The following AGPS variants were observed in gnomAD, a reference collection of about 807,000 sequenced individuals.
The protein encoded by AGPS is alkylglycerone phosphate synthase.
Under a neutral mutation model 90.7 loss-of-function variants are expected in AGPS, and 26 were observed. The ratio of observed to expected loss-of-function variants is 0.29; its 90% CI spans 0.21 to 0.40. The LOEUF is 0.40. Ranked by LOEUF, AGPS falls within the 10% of genes least tolerant of loss-of-function variation. The pLI, the probability that AGPS is intolerant of heterozygous loss-of-function variation, is 1.00. For missense variants in AGPS, 540 were observed against 816.1 expected (o/e 0.66, Z 4.12); for synonymous variants, 294 against 285.3 (o/e 1.03, Z -0.31).
chr2:177,458,368 C>T (rs574186913), intron 8 of AGPS, among the ~76,000 whole-genome samples: 7 of 152,014 alleles, frequency 4.6e-5, no homozygotes, highest in Admixed American at 2.6e-4. Flanking sequence ...AGAAATAAAG[C>T]GTATTCAAAT....
chr2:177,416,536 G>GT (rs34582220), intron 1 of AGPS, among the ~76,000 whole-genome samples: 1 of 151,118 alleles, frequency 6.6e-6, no homozygotes, highest in African/African-American at 2.4e-5. Context: ...GTTTTGTTTT[G>GT]TTTTTTTGAG....
intron 8 of AGPS, among the ~76,000 whole-genome samples, chr2:177,456,935 A>G (rs560853357): frequency 6.6e-6 from 1 of 152,302 alleles, no homozygotes; most frequent in South Asian, 2.1e-4. Flanking sequence ...TGACCACGTA[A>G]TTGGAAGTAA....
At chr2:177,401,880 CT>C in intron 1 of AGPS, among the ~76,000 whole-genome samples, 1 of 152,216 alleles carries the variant, frequency 6.6e-6, no homozygotes, top group South Asian at 2.1e-4. Flanking sequence ...AATTCTAGAG[CT>C]TTTTCCTTGA....
chr2:177,445,953 G>A (rs1336292175), intron 8 of AGPS, among the ~76,000 whole-genome samples: 1 of 152,100 alleles, frequency 6.6e-6, no homozygotes, highest in African/African-American at 2.4e-5. Flanking sequence ...TCATCAAATG[G>A]GGCTAGGTGG....
Position 177,421,310 on chromosome 2 carries a change from C to T in AGPS, c.350+952C>T, listed in dbSNP as rs1685932889. On this transcript the variant is annotated intron_variant, in intron 2 of 19. Transcript: ENST00000264167. ...CCAGTATTGTACCCTGATTTAATATCTATTGGACATTACTATACTTAAGTT... is the reference window on the plus strand; with the variant it reads ...CCAGTATTGTACCCTGATTTAATATTTATTGGACATTACTATACTTAAGTT... 3.3e-5 allele frequency among the ~76,000 whole-genome samples: 5 copies of T among 152,082 alleles called. No individual in the cohort carries two copies. The South Asian group carries it at 1.0e-3, about 32-fold the overall frequency.
At chr2:177,440,710 T>C (rs560855152) in intron 5 of AGPS, among the ~76,000 whole-genome samples, 1 of 152,260 alleles carries the variant, frequency 6.6e-6, no homozygotes, top group Admixed American at 6.5e-5. Flanking sequence ...TGTAGCTACA[T>C]AAGATGTTAG....
intron 8 of AGPS, among the ~76,000 whole-genome samples, chr2:177,453,357 C>T (rs564455040): frequency 1.3e-5 from 2 of 151,604 alleles, no homozygotes; most frequent in East Asian, 2.0e-4. Flanking sequence ...CCACAACCTC[C>T]GTCTCCCAGG....
chr2:177,452,797 T>C (rs541444672), intron 8 of AGPS, among the ~76,000 whole-genome samples: 4 of 152,230 alleles, frequency 2.6e-5, no homozygotes, highest in African/African-American at 9.6e-5. Flanking sequence ...ATGATATGCT[T>C]TATCTCTTTA....
At chr2:177,497,023 C>T (rs757645142) in intron 12 of AGPS, among the ~76,000 whole-genome samples, 14 of 151,974 alleles carry the variant, frequency 9.2e-5, no homozygotes, top group Non-Finnish European at 1.8e-4. Context: ...ATGTAGCAAT[C>T]ATAGGAGTTG....
intron 18 of AGPS, 125 bp from the exon 19 acceptor site, chr2:177,523,623 A>G (rs1241116458): frequency 1.3e-6 from 1 of 792,054 alleles, no homozygotes. Context: ...AAGAGAGGAA[A>G]GTTAGGCTTC....
At chr2:177,494,498 A>T (rs1270636235) in intron 12 of AGPS, among the ~76,000 whole-genome samples, 2 of 152,116 alleles carry the variant, frequency 1.3e-5, no homozygotes, top group African/African-American at 4.8e-5. Context: ...AGACTGTGTT[A>T]TTCGTTTATA....
At chr2:177,406,868 C>G (rs967585749) in intron 1 of AGPS, among the ~76,000 whole-genome samples, 1 of 152,200 alleles carries the variant, frequency 6.6e-6, no homozygotes, top group Non-Finnish European at 1.5e-5. Context: ...CTTGTGCTTT[C>G]TTCCTCTGTT....
At chr2:177,434,008 G>T (rs1483721076) in intron 2 of AGPS, among the ~76,000 whole-genome samples, 1 of 152,046 alleles carries the variant, frequency 6.6e-6, no homozygotes, top group African/African-American at 2.4e-5. Context: ...ACCTTTTGAG[G>T]CACCAGCTGG....
rs550899753 is a variant in AGPS at position 177,432,467 on chromosome 2, G to A, written c.351-1860G>A. On this transcript the variant is annotated intron_variant, in intron 2 of 19. Transcript: ENST00000264167. ...TTCATCTCACAAATTAAATGTTGCT[G>A]TAGCTTTGACTAAGCTAGGTTGCAA... 1.8e-4 allele frequency among the ~76,000 whole-genome samples: 28 copies of A among 152,296 alleles called. 1 individual carries two copies. The highest frequency in any genetic ancestry group is 5.8e-4 in the African/African-American group (24 of 41,570).
intron 9 of AGPS, among the ~76,000 whole-genome samples, chr2:177,463,432 A>G (rs1687357312): frequency 6.6e-6 from 1 of 152,228 alleles, no homozygotes; most frequent in South Asian, 2.1e-4. Context: ...GTAGTTTAAA[A>G]GAACTTTAAT....
chr2:177,518,378 G>T (rs907878450), intron 17 of AGPS, among the ~76,000 whole-genome samples: 1 of 152,104 alleles, frequency 6.6e-6, no homozygotes, highest in African/African-American at 2.4e-5. Context: ...GGAGGTTGCA[G>T]TGAGCCAAGA....
chr2:177,466,435 G>A (rs555716494), intron 9 of AGPS, among the ~76,000 whole-genome samples: 89 of 152,338 alleles, frequency 5.8e-4, no homozygotes, highest in African/African-American at 2.0e-3. Context: ...GCCCCCAGGC[G>A]TCAGGCCCTC....
At chr2:177,420,461 A>AT in intron 2 of AGPS, 103 bp downstream of exon 2, 3 of 856,658 alleles carry the variant, frequency 3.5e-6, no homozygotes, top group Non-Finnish European at 5.8e-6. Flanking sequence ...TTGAGTTTAA[A>AT]CATTATCAAC....
chr2:177,477,802 G>T (rs983318092), intron 10 of AGPS, among the ~76,000 whole-genome samples: 7 of 152,006 alleles, frequency 4.6e-5, no homozygotes, highest in Non-Finnish European at 7.4e-5. Context: ...TTTTGTGCTA[G>T]TATTGGCACA....
Sources: allele counts gnomAD v4.1 joint callset (sites outside exome capture counted in the v4.1 genomes callset), GRCh38; gene constraint gnomAD v4.1.1; transcripts MANE v1.5; gene names NCBI Gene and HGNC (gene_info 2026-07-23, HGNC 2026-07-21).